The following MEGF6 variants were observed in gnomAD, a reference collection of about 807,000 sequenced individuals.
The protein encoded by MEGF6 is multiple epidermal growth factor-like domains protein 6.
MEGF6 carries 184 observed loss-of-function variants against 207.1 expected under a neutral mutation model. The ratio of observed to expected loss-of-function variants is 0.89; its 90% CI spans 0.79 to 1.00. MEGF6 has a LOEUF of 1.00. Ranked by LOEUF, MEGF6 falls within the 50% of genes least tolerant of loss-of-function variation. The pLI, the probability that MEGF6 is intolerant of heterozygous loss-of-function variation, is 0.00. For missense variants in MEGF6, 2,282 were observed against 2,202.9 expected (o/e 1.04, Z -0.72); for synonymous variants, 1,038 against 910.0 (o/e 1.14, Z -2.53).
At chr1:3,620,576 C>T in the MEGF6 span, among the ~76,000 whole-genome samples, 1 of 152,202 alleles carries the variant, frequency 6.6e-6, no homozygotes, top group Admixed American at 6.5e-5. Flanking sequence ...TCATGGAGAA[C>T]CTCTGCTAGG....
At chr1:3,542,168 CG>C (rs987238577) in intron 4 of MEGF6, among the ~76,000 whole-genome samples, 13 of 152,220 alleles carry the variant, frequency 8.5e-5, no homozygotes, top group Non-Finnish European at 1.6e-4. Context: ...AGCACAGTGT[CG>C]GGGCTGAATC....
intron 4 of MEGF6, among the ~76,000 whole-genome samples, chr1:3,566,592 C>T (rs376970386): frequency 2.4e-4 from 37 of 152,278 alleles, no homozygotes; most frequent in African/African-American, 8.4e-4. Flanking sequence ...AGGCAGACCT[C>T]GAGGACCAGC....
intron 4 of MEGF6, among the ~76,000 whole-genome samples, chr1:3,544,867 G>A (rs1402501102): frequency 6.6e-6 from 1 of 152,214 alleles, no homozygotes; most frequent in Non-Finnish European, 1.5e-5. Context: ...TGGAGCTGGG[G>A]GCAGGGTGGC....
chr1:3,538,765 T>G (rs116325844), intron 4 of MEGF6, among the ~76,000 whole-genome samples: 5,707 of 150,368 alleles, frequency 0.038, 358 homozygotes, highest in African/African-American at 0.13. Context: ...CTGTGGGTTC[T>G]CTGTTACCAG....
chr1:3,541,646 C>T (rs547044473), intron 4 of MEGF6, among the ~76,000 whole-genome samples: 6 of 152,318 alleles, frequency 3.9e-5, no homozygotes, highest in Admixed American at 3.9e-4. Context: ...CTTCCTAGCC[C>T]GCAGCCCTCG....
intron 1 of MEGF6, among the ~76,000 whole-genome samples, chr1:3,605,819 G>A (rs1279152281): frequency 6.6e-6 from 1 of 152,236 alleles, no homozygotes; most frequent in Middle Eastern, 3.2e-3. Context: ...AGATGTGGAA[G>A]AGGCACTGGG....
intron 4 of MEGF6, among the ~76,000 whole-genome samples, chr1:3,578,996 C>T (rs1228047450): frequency 1.3e-5 from 2 of 152,262 alleles, no homozygotes; most frequent in Non-Finnish European, 2.9e-5. Context: ...CCTGCCTGGG[C>T]ACCGGAGTGC....
chr1:3,565,735 C>T lies in MEGF6; in HGVS notation c.481+14090G>A, dbSNP rs1214831231. Among the ~76,000 whole-genome samples the T allele has an allele frequency of 1.3e-5, 2 of 152,178 alleles. No homozygotes were observed. Among genetic ancestry groups the T allele is most frequent in the African/African-American group, 4.8e-5 (2 of 41,452 alleles). ...TGTGCCAAAGCCCACTGCAGTTTCC[C>T]AGGAGGGCAGGGGACCCCCAAGTGG... On this transcript the variant is annotated intron_variant, in intron 4 of 36. Transcript: ENST00000356575. The surrounding 1 kb of genome is among the most constrained non-coding windows in gnomAD (Gnocchi z 4.8).
At chr1:3,531,099 G>A (rs1459594436) in intron 4 of MEGF6, 4 of 1,527,614 alleles carry the variant, frequency 2.6e-6, no homozygotes, top group Non-Finnish European at 3.5e-6. Context: ...GGTCACCGGC[G>A]CTCACGGGGT....
At chr1:3,533,527 A>G (rs1012184165) in intron 4 of MEGF6, among the ~76,000 whole-genome samples, 3 of 152,232 alleles carry the variant, frequency 2.0e-5, no homozygotes, top group Non-Finnish European at 4.4e-5. Context: ...CCGCAGCCAC[A>G]GCCCAACAGG....
At chr1:3,527,705 G>C (rs1570059583) in intron 4 of MEGF6, among the ~76,000 whole-genome samples, 1 of 152,320 alleles carries the variant, frequency 6.6e-6, no homozygotes, top group South Asian at 2.1e-4. Context: ...ATGCCCACTG[G>C]GCAGGGCAGT....
intron 4 of MEGF6, among the ~76,000 whole-genome samples, chr1:3,568,304 C>T (rs979671582): frequency 2.1e-5 from 3 of 145,974 alleles, no homozygotes; most frequent in Non-Finnish European, 3.1e-5. Context: ...GGGTAAAAAC[C>T]AAGGCCCCTG....
intron 7 of MEGF6, among the ~76,000 whole-genome samples, chr1:3,512,702 G>A (rs573106041): frequency 9.8e-5 from 15 of 152,290 alleles, no homozygotes; most frequent in Admixed American, 5.9e-4. Flanking sequence ...CTGGCCTCCC[G>A]CCATGATTGT....
chr1:3,514,785 G>A, intron 6 of MEGF6, 113 bp from the exon 7 acceptor site: 1 of 1,240,494 alleles, frequency 8.1e-7, no homozygotes, highest in Non-Finnish European at 1.1e-6. Context: ...CCCACTCTGT[G>A]CTCCAGGCTG....
intron 11 of MEGF6, 74 bp downstream of exon 11, chr1:3,509,796 T>C (rs1388485826): frequency 3.7e-5 from 55 of 1,467,166 alleles, no homozygotes; most frequent in Non-Finnish European, 1.4e-5. Flanking sequence ...GGGCCAGGCC[T>C]GCGGGACGCA....
intron 4 of MEGF6, among the ~76,000 whole-genome samples, chr1:3,524,555 C>T (rs575822564): frequency 1.3e-5 from 2 of 152,320 alleles, no homozygotes; most frequent in African/African-American, 2.4e-5. Flanking sequence ...GGAGCGCACG[C>T]GGTTTTCTTA....
intron 4 of MEGF6, among the ~76,000 whole-genome samples, chr1:3,545,216 C>T (rs983242440): frequency 6.6e-6 from 1 of 152,100 alleles, no homozygotes; most frequent in Non-Finnish European, 1.5e-5. Flanking sequence ...GAGAGGGGTG[C>T]ACTTCTTCCC....
Position 3,600,333 on chromosome 1 carries a change from C to T in MEGF6, c.266+2133G>A, listed in dbSNP as rs375851712. ...CCTGTGCCCACCTCCACGATGGCAC[C>T]CAGAGCCCAGCTGGGATGCTGGGGT... On this transcript the variant is annotated intron_variant, in intron 2 of 36. Transcript: ENST00000356575. 2.2e-4 allele frequency among the ~76,000 whole-genome samples: 34 copies of T among 152,298 alleles called. No homozygotes were observed. In the East Asian group the frequency reaches 3.9e-3, roughly 17 times the overall value.
rs752010990 is a variant in MEGF6, at chr1:3,501,280, G to A, written c.2343C>T (p.Gly781=). 5.0e-6 allele frequency: 8 copies of A among 1,605,318 alleles called. 1 individual carries two copies. In the South Asian group the frequency reaches 8.9e-5, roughly 18 times the overall value. ...ADCPEGRWGL[G]CQEICPACQH... ...GGCATGCTGGGCAGATCTCCTGGCA[G>A]CCCAGCCCCCAGCGGCCCTCGGGAC... Residue 781 remains glycine, a synonymous_variant, in exon 19 of 37, where the codon GGC becomes GGT. Coordinates refer to ENST00000356575, the MANE Select transcript of MEGF6 (RefSeq NM_001409.4).
Sources: gnomAD v4.1 joint callset for allele counts (sites outside exome capture counted in the v4.1 genomes callset) on GRCh38, gnomAD v4.1.1 for gene constraint, Gnocchi (gnomAD v3.1) non-coding constraint, MANE v1.5 for transcripts, NCBI Gene and HGNC (gene_info 2026-07-23, HGNC 2026-07-21) for gene names.